MAST4: variants seen among roughly 807,000 people sequenced by gnomAD.
MAST4 encodes the protein microtubule-associated serine/threonine-protein kinase 4.
Under a neutral mutation model 162.7 loss-of-function variants are expected in MAST4, and 89 were observed. That is an observed-to-expected ratio of 0.55 (90% CI 0.46 to 0.65). The LOEUF (loss-of-function observed/expected upper bound fraction) is 0.65. Among genes scored for constraint, MAST4 ranks in the 30% least tolerant of loss-of-function variants. The probability of loss-of-function intolerance (pLI) is 0.00; values close to 1 mark genes in which losing one functional copy is unlikely to be tolerated. For synonymous variants in MAST4, 1,479 were observed against 1,361.1 expected (o/e 1.09, Z -1.91); for missense variants, 3,153 against 3,374.0 (o/e 0.93, Z 1.62).
Position 67,166,990 on chromosome 5 carries a change from T to C in MAST4, c.7811T>C (p.Val2604Ala). The C allele has an allele frequency of 6.2e-7, 1 of 1,611,206 alleles. No individual in the cohort carries two copies. Among genetic ancestry groups the C allele is most frequent in the Non-Finnish European group, 8.5e-7 (1 of 1,179,182 alleles). The change falls in exon 29 of 29, where the codon GTG becomes GCG. Residue 2604 changes from valine (V) to alanine (A), a missense_variant. Around this residue, in one of 7 missense-constraint regions of MAST4, gnomAD observed 1,644 missense variants for 1,495.0 expected, o/e 1.10. Transcript: ENST00000403625. Reference sequence around the variant, plus strand: ...TCTCTTTCTAATGAGAAGGACTTTGTGGTACGGCAGAGGCGGGGGAAAGAG... The same window carrying C: ...TCTCTTTCTAATGAGAAGGACTTTGCGGTACGGCAGAGGCGGGGGAAAGAG... ...PISLSNEKDFVVRQRRGKESL... is the reference protein window; with the variant it reads ...PISLSNEKDFAVRQRRGKESL...
chr5:66,915,226 A>T (rs1764030813), intron 4 of MAST4, among the ~76,000 whole-genome samples: 1 of 148,630 alleles, frequency 6.7e-6, no homozygotes, highest in Non-Finnish European at 1.5e-5. Flanking sequence ...AGATCGTGCC[A>T]CTGCATTCCA....
chr5:66,771,921 G>A (rs1394120357), intron 2 of MAST4, among the ~76,000 whole-genome samples: 1 of 152,080 alleles, frequency 6.6e-6, no homozygotes, highest in African/African-American at 2.4e-5. Flanking sequence ...AGTAGGTATG[G>A]CTTTCCTATC....
chr5:66,911,160 T>C (rs956571077), intron 4 of MAST4, among the ~76,000 whole-genome samples: 1 of 152,188 alleles, frequency 6.6e-6, no homozygotes, highest in African/African-American at 2.4e-5. Flanking sequence ...TGCCAGTAAC[T>C]GCATACTTCC....
chr5:66,793,924 T>C (rs1755535014), intron 3 of MAST4, among the ~76,000 whole-genome samples: 1 of 152,228 alleles, frequency 6.6e-6, no homozygotes, highest in South Asian at 2.1e-4. Context: ...CTAATGTAAA[T>C]TTCATGAAGG....
chr5:66,756,900 C>T (rs191193008), intron 1 of MAST4, among the ~76,000 whole-genome samples: 208 of 152,310 alleles, frequency 1.4e-3, no homozygotes, highest in Non-Finnish European at 2.6e-3. Flanking sequence ...TCACAGTTCA[C>T]TGCCTCAGTT....
In MAST4 at chr5:67,164,395, G is replaced by A. The variant is rs373260425; in HGVS notation, c.5216G>A (p.Arg1739Gln). The part of the protein sequence containing the change: ...QQEPPPASES[R>Q]AFVSSTHAAQ... ...GAGCCCCCGCCGGCTTCTGAGAGCC[G>A]AGCTTTTGTCAGCAGCACCCATGCA... The change falls in exon 29 of 29, where the codon CGA becomes CAA. Residue 1739 changes from arginine to glutamine, a missense_variant. By Grantham distance (43) the Arg-to-Gln change is conservative. This residue lies in a region of MAST4 where 1,644 missense variants were observed against 1,495.0 expected (regional missense o/e 1.10). Transcript: ENST00000403625. The surrounding 1 kb of genome is among the most constrained non-coding windows in gnomAD (Gnocchi z 5.3). 19 of 1,613,912 alleles carry A rather than the reference G, an allele frequency of 1.2e-5. No individual in the cohort carries two copies. The highest frequency in any genetic ancestry group is 8.3e-5 in the Admixed American group (5 of 60,010).
intron 4 of MAST4, among the ~76,000 whole-genome samples, chr5:67,029,372 AT>A (rs1461117106): frequency 6.6e-5 from 10 of 152,170 alleles, no homozygotes; most frequent in Non-Finnish European, 1.2e-4. Context: ...CCTTATACTT[AT>A]GTTTCCCATA....
rs371636415 is a variant in MAST4 at position 67,149,428 on chromosome 5, G to A, written c.3134G>A (p.Arg1045Gln). 28 of 1,613,336 alleles carry A rather than the reference G, an allele frequency of 1.7e-5. No individual in the cohort carries two copies. The highest frequency in any genetic ancestry group is 6.7e-5 in the African/African-American group (5 of 74,890). Residue 1045 changes from arginine to glutamine, a missense_variant, in exon 24 of 29, where the codon CGA (arginine) becomes CAA (glutamine). Physicochemically the swap from Arg to Gln is conservative, Grantham distance 43. Transcript: ENST00000403625. ...GAGCACTTGGATCAGATAAATGGAC[G>A]AAGCGAGTGTGTGGACAGTACAGAT... ...FSEHLDQING[R>Q]SECVDSTDNS... is the part of the protein sequence containing the mutation.
chr5:67,162,653 C>T lies in MAST4; in HGVS notation c.3832C>T (p.Leu1278Phe). The T allele has an allele frequency of 1.9e-6, 3 of 1,613,950 alleles. No homozygotes were observed. The highest frequency in any genetic ancestry group is 3.3e-4 in the Middle Eastern group (2 of 6,062). The change falls in exon 28 of 29, where the codon CTC (leucine) becomes TTC (phenylalanine). Residue 1278 changes from leucine to phenylalanine, a missense_variant. Transcript: ENST00000403625. ...KKLAKQPSPL[L>F]HTSRSFSCLN... The stretch of plus-strand genomic sequence containing the variant: ...GCTAGCCAAGCAGCCTTCTCCTTTA[C>T]TCCACACCAGCCGAAGTTTCTCCTG...
chr5:66,996,242 G>T (rs932191998), intron 4 of MAST4, among the ~76,000 whole-genome samples: 7 of 152,048 alleles, frequency 4.6e-5, no homozygotes, highest in Non-Finnish European at 8.8e-5. Context: ...TCGTGCCATT[G>T]CACTCCAGCC....
chr5:67,106,380 C>T (rs1298605575), intron 10 of MAST4, among the ~76,000 whole-genome samples: 1 of 152,206 alleles, frequency 6.6e-6, no homozygotes, highest in Non-Finnish European at 1.5e-5. Flanking sequence ...TCCTCAACCA[C>T]ACATGCTTCT....
intron 4 of MAST4, among the ~76,000 whole-genome samples, chr5:66,970,160 G>A (rs922330439): frequency 1.3e-5 from 2 of 152,096 alleles, no homozygotes; most frequent in African/African-American, 2.4e-5. Context: ...GGGGTGGTGT[G>A]GACAGGCCAC....
chr5:66,694,907 T>C (rs1749300134), intron 1 of MAST4, among the ~76,000 whole-genome samples: 1 of 152,184 alleles, frequency 6.6e-6, no homozygotes, highest in African/African-American at 2.4e-5. Flanking sequence ...CCTTGTAGAT[T>C]CTGGATATTA....
intron 3 of MAST4, among the ~76,000 whole-genome samples, chr5:66,857,302 A>T (rs1433887811): frequency 1.3e-5 from 2 of 152,202 alleles, no homozygotes; most frequent in Admixed American, 6.5e-5. Context: ...CCTAACAATA[A>T]ACATGTTAGG....
At chr5:66,796,813 G>C (rs377499136) in intron 3 of MAST4, among the ~76,000 whole-genome samples, 1 of 152,152 alleles carries the variant, frequency 6.6e-6, no homozygotes, top group Non-Finnish European at 1.5e-5. Context: ...CCATAGGGTG[G>C]TAAATGCCTG....
At chr5:66,806,697 AAAATCATGCAT>A (rs1321691643) in intron 3 of MAST4, among the ~76,000 whole-genome samples, 1 of 152,242 alleles carries the variant, frequency 6.6e-6, no homozygotes, top group Admixed American at 6.5e-5. Flanking sequence ...AAACTGGAGA[AAAATCATGCAT>A]AATATACAAC....
At position 67,166,858 on chromosome 5, in the gene MAST4, C is replaced by A; in HGVS notation, c.7679C>A (p.Thr2560Asn). 6.2e-7 allele frequency: 1 copy of A among 1,606,606 alleles called. No homozygotes were observed. The highest frequency in any genetic ancestry group is 8.5e-7 in the Non-Finnish European group (1 of 1,176,940). ...TCGGTGACTGCCACCGTAGGGGAAA[C>A]CAAAGGGAAGGACCCTGCCCCAGCC... ...ALSVTATVGE[T>N]KGKDPAPAQP... Residue 2560 changes from threonine (T) to asparagine (N), a missense_variant, in exon 29 of 29, where the codon ACC (threonine) becomes AAC (asparagine). This residue lies in a region of MAST4 where 1,644 missense variants were observed against 1,495.0 expected (regional missense o/e 1.10). Coordinates refer to ENST00000403625, the MANE Select transcript of MAST4 (RefSeq NM_001164664.2).
intron 13 of MAST4, among the ~76,000 whole-genome samples, chr5:67,120,062 G>A (rs1319479331): frequency 6.6e-6 from 1 of 152,250 alleles, no homozygotes; most frequent in Non-Finnish European, 1.5e-5. Context: ...ATTGGCAGGT[G>A]ATGACTAAAT....
rs1774193709 is a variant in MAST4 at position 67,167,534 on chromosome 5, A to G, written c.*483A>G. On this transcript the variant is annotated 3_prime_UTR_variant, in exon 29 of 29. Coordinates refer to ENST00000403625, the MANE Select transcript of MAST4 (RefSeq NM_001164664.2). ...TTCGTGTATATACACATCCACCTAC[A>G]TGTTTTGGTCTGTGGTTTAAGAGAC... 1 of 152,406 alleles carries G rather than the reference A, an allele frequency of 6.6e-6. No individual in the cohort carries two copies. The highest frequency in any genetic ancestry group is 6.5e-5 in the Admixed American group (1 of 15,280). The allele number at this position is 152,406 out of a possible 1,614,324, so 9.4% of individuals were successfully genotyped here.
Sources: gnomAD v4.1 joint callset for allele counts (sites outside exome capture counted in the v4.1 genomes callset) on GRCh38, gnomAD v4.1.1 for gene constraint, gnomAD v4.1.1 regional missense constraint, Gnocchi (gnomAD v3.1) non-coding constraint, MANE v1.5 for transcripts, NCBI Gene and HGNC (gene_info 2026-07-23, HGNC 2026-07-21) for gene names.